The following MCM3 variants were observed in gnomAD, a reference collection of about 807,000 sequenced individuals.
MCM3 encodes the protein minichromosome maintenance complex component 3.
In MCM3, 59 loss-of-function variants were observed where a neutral mutation model predicts 91.3. The observed-to-expected ratio is 0.65, with a 90% confidence interval of 0.52 to 0.80. MCM3 has a LOEUF of 0.80. Ranked by LOEUF, MCM3 falls within the 30% of genes least tolerant of loss-of-function variation. The pLI is 0.00. For synonymous variants in MCM3, 383 were observed against 379.6 expected (o/e 1.01, Z -0.10); for missense variants, 919 against 1,035.4 (o/e 0.89, Z 1.54).
At chr6:52,265,313 G>A (rs1292350487) in intron 16 of MCM3, 2 of 432,976 alleles carry the variant, frequency 4.6e-6, no homozygotes, top group African/African-American at 4.1e-5. Context: ...AGCCTTTTGG[G>A]AGGCTCAGGT....
intron 9 of MCM3, among the ~76,000 whole-genome samples, chr6:52,275,653 A>G (rs920753324): frequency 2.0e-5 from 3 of 152,198 alleles, no homozygotes; most frequent in African/African-American, 7.2e-5. Flanking sequence ...AATAGGGAGG[A>G]AAAAATGGAA....
chr6:52,272,708 C>T (rs1765241867), intron 11 of MCM3, among the ~76,000 whole-genome samples: 1 of 152,202 alleles, frequency 6.6e-6, no homozygotes, highest in Non-Finnish European at 1.5e-5. Context: ...AAAACTACAG[C>T]TCAGAGAAGC....
At chr6:52,268,543 G>C (rs1764825816) in intron 13 of MCM3, among the ~76,000 whole-genome samples, 1 of 152,120 alleles carries the variant, frequency 6.6e-6, no homozygotes, top group Non-Finnish European at 1.5e-5. Flanking sequence ...GGGTGGGAGT[G>C]GGCAACTAGG....
chr6:52,267,941 T>G lies in MCM3; in HGVS notation c.1996A>C (p.Lys666Gln). Reference protein sequence around the residue: ...KVLEKEKKRKKRSEDESETED... With the variant: ...KVLEKEKKRKQRSEDESETED... ...GTCTCTGATTCATCCTCACTTCGCTTCTTACGTTTCTTCTCCTTCTCCAGA... is the reference window on the plus strand; with the variant it reads ...GTCTCTGATTCATCCTCACTTCGCTGCTTACGTTTCTTCTCCTTCTCCAGA... The change falls in exon 14 of 17, where the codon AAG (lysine) becomes CAG (glutamine). Residue 666 changes from lysine to glutamine, a missense_variant. Physicochemically the swap from Lys to Gln is moderately conservative, Grantham distance 53. This residue lies in a region of MCM3 where 285 missense variants were observed against 311.4 expected (regional missense o/e 0.92). Transcript: ENST00000596288. The G allele has an allele frequency of 8.1e-6, 13 of 1,607,232 alleles. No individual in the cohort carries two copies. Among genetic ancestry groups the G allele is most frequent in the Non-Finnish European group, 1.1e-5 (13 of 1,173,772 alleles).
At chr6:52,265,089 C>T in intron 16 of MCM3, 1 of 400,234 alleles carries the variant, frequency 2.5e-6, no homozygotes, top group Non-Finnish European at 4.7e-6. Flanking sequence ...TATCCTTTGG[C>T]CCAGGGAGCC....
Position 52,264,214 on chromosome 6 carries a change from GA to G in MCM3, c.*373del, listed in dbSNP as rs17240273. 4.2e-6 allele frequency: 1 copy of G among 239,162 alleles called. No homozygotes were observed. The allele number at this position is 239,162 out of a possible 1,614,324, so 14.8% of individuals were successfully genotyped here. A position where few individuals can be genotyped will look rare whatever the true frequency, so the allele number is the denominator to read the frequency against. ...CTAGTCTAGACCAAAGTGCTCTGGA[GA>G]AAAAAAACAAAACAAAAAAACAGCA... On this transcript the variant is annotated 3_prime_UTR_variant, in exon 17 of 17. Transcript: ENST00000596288.
At chr6:52,279,274 T>C in intron 5 of MCM3, 87 bp downstream of exon 5, 1 of 1,167,588 alleles carries the variant, frequency 8.6e-7, no homozygotes, top group African/African-American at 1.5e-5. Context: ...GATATAACTC[T>C]CTGGAATATG....
intron 6 of MCM3, among the ~76,000 whole-genome samples, chr6:52,278,144 C>CA (rs1765759091): frequency 7.0e-6 from 1 of 143,402 alleles, no homozygotes; most frequent in Non-Finnish European, 1.5e-5. Context: ...TTCCTAACTG[C>CA]AAAAAATTAT....
At chr6:52,267,152 G>A (rs982370231) in intron 14 of MCM3, among the ~76,000 whole-genome samples, 1 of 144,076 alleles carries the variant, frequency 6.9e-6, no homozygotes, top group Non-Finnish European at 1.5e-5. Flanking sequence ...AGGCTGGAGT[G>A]CAGTGGTGTG....
At chr6:52,265,030 C>T (rs1327162963) in intron 16 of MCM3, among the ~76,000 whole-genome samples, 2 of 152,124 alleles carry the variant, frequency 1.3e-5, no homozygotes, top group South Asian at 2.1e-4. Context: ...ACCCGGTCAG[C>T]GTCAATGCGG....
chr6:52,266,573 A>G (rs1192310114), intron 15 of MCM3, 38 bp downstream of exon 15: 6 of 1,576,078 alleles, frequency 3.8e-6, no homozygotes, highest in Non-Finnish European at 4.4e-6. Context: ...CAAGAGTCAC[A>G]GGAACAACCT....
In MCM3 at chr6:52,273,737, C is replaced by A; in HGVS notation, c.1549+5G>T. On this transcript the variant is annotated splice_donor_5th_base_variant and intron_variant, in intron 10 of 16. Transcript: ENST00000596288. Reference sequence around the variant, plus strand: ...TAGTTACTCTTACTATTCTTATGGCCTCACCATCGCCATCCTGCTCCCCAG... The same window carrying A: ...TAGTTACTCTTACTATTCTTATGGCATCACCATCGCCATCCTGCTCCCCAG... The A allele has an allele frequency of 4.4e-6, 7 of 1,605,962 alleles. No individual in the cohort carries two copies. Among genetic ancestry groups the A allele is most frequent in the Non-Finnish European group, 6.0e-6 (7 of 1,176,050 alleles).
At chr6:52,277,265 C>A (rs1396601831) in intron 7 of MCM3, 67 bp from the exon 8 acceptor site, 9 of 1,545,896 alleles carry the variant, frequency 5.8e-6, no homozygotes, top group Non-Finnish European at 8.0e-6. Flanking sequence ...TTCTGCCTTT[C>A]TAGCACAGCT....
Position 52,264,675 on chromosome 6 carries a change from G to A in MCM3, c.2340C>T (p.Phe780=). The A allele has an allele frequency of 1.2e-6, 2 of 1,614,200 alleles. No individual in the cohort carries two copies. Among genetic ancestry groups the A allele is most frequent in the South Asian group, 1.1e-5 (1 of 91,074 alleles). Residue 780 remains phenylalanine, a synonymous_variant, in exon 17 of 17, where the codon TTC becomes TTT. Transcript: ENST00000596288. The part of the protein sequence containing the change: ...ESINRDSEEP[F]SSVEIQAALS... ...GAGCAGCCTGGATCTCAACTGAAGA[G>A]AAGGGCTCTTCGCTGTCCCGGTTGA...
intron 5 of MCM3, 69 bp downstream of exon 5, chr6:52,279,292 G>A (rs1765854201): frequency 2.2e-6 from 3 of 1,357,522 alleles, no homozygotes; most frequent in Non-Finnish European, 2.1e-6. Context: ...ATGGCAAACT[G>A]GAGAAAGGAT....
rs374574212 is a variant in MCM3, at chr6:52,282,019, C to T, written c.531+26G>A. On this transcript the variant is annotated intron_variant, in intron 4 of 16. Transcript: ENST00000596288. ...GTATCTTTGATTCCAACCTCCAAGA[C>T]AGCTCAACTGATTTATCCCCCTTAC... 4.1e-5 allele frequency: 66 copies of T among 1,612,278 alleles called. No individual in the cohort carries two copies. In the African/African-American group the frequency reaches 7.2e-4, roughly 18 times the overall value.
chr6:52,274,033 C>T (rs1765362024), intron 9 of MCM3, 117 bp from the exon 10 acceptor site: 1 of 721,976 alleles, frequency 1.4e-6, no homozygotes, highest in Non-Finnish European at 2.3e-6. Flanking sequence ...GCAAAACAGA[C>T]AAAAAGCAGT....
In MCM3 at chr6:52,267,934, C is replaced by G. The variant is rs759133647; in HGVS notation, c.2003G>C (p.Ser668Thr). The change falls in exon 14 of 17, where the codon AGT becomes ACT. Residue 668 changes from serine to threonine, a missense_variant. Ser to Thr is a moderately conservative substitution (Grantham distance 58). Around this residue, in one of 3 missense-constraint regions of MCM3, gnomAD observed 285 missense variants for 311.4 expected, o/e 0.92. Transcript: ENST00000596288. Reference sequence around the variant, plus strand: ...ATCTTCTGTCTCTGATTCATCCTCACTTCGCTTCTTACGTTTCTTCTCCTT... The same window carrying G: ...ATCTTCTGTCTCTGATTCATCCTCAGTTCGCTTCTTACGTTTCTTCTCCTT... Reference protein sequence around the residue: ...LEKEKKRKKRSEDESETEDEE... With the variant: ...LEKEKKRKKRTEDESETEDEE... 1.3e-6 allele frequency: 2 copies of G among 1,594,618 alleles called. No homozygotes were observed. Among genetic ancestry groups the G allele is most frequent in the Admixed American group, 3.3e-5 (2 of 59,970 alleles).
At chr6:52,270,838 G>GT (rs1431990029) in intron 12 of MCM3, among the ~76,000 whole-genome samples, 1 of 152,166 alleles carries the variant, frequency 6.6e-6, no homozygotes, top group African/African-American at 2.4e-5. Flanking sequence ...ACACCCACAG[G>GT]TAAAAGTTGT....
Sources: gnomAD v4.1 joint callset for allele counts (sites outside exome capture counted in the v4.1 genomes callset) on GRCh38, gnomAD v4.1.1 for gene constraint, gnomAD v4.1.1 regional missense constraint, MANE v1.5 for transcripts, NCBI Gene and HGNC (gene_info 2026-07-23, HGNC 2026-07-21) for gene names.